The following IMMP2L variants were observed in gnomAD, a reference collection of about 807,000 sequenced individuals.
IMMP2L encodes inner mitochondrial membrane peptidase subunit 2.
IMMP2L carries 18 observed loss-of-function variants against 19.3 expected under a neutral mutation model. The observed-to-expected ratio is 0.93, with a 90% CI of 0.64 to 1.38. The LOEUF is 1.38. Ranked by LOEUF, IMMP2L falls within the 40% of genes most tolerant of loss-of-function variation. IMMP2L has a pLI of 0.00. For synonymous variants in IMMP2L, 76 were observed against 73.0 expected (o/e 1.04, Z -0.21); for missense variants, 233 against 218.2 (o/e 1.07, Z -0.43).
chr7:111,258,013 G>T (rs1196572022), intron 3 of IMMP2L, among the ~76,000 whole-genome samples: 1 of 150,842 alleles, frequency 6.6e-6, no homozygotes. Flanking sequence ...CTCCACTTAT[G>T]AGTGAGAACA....
chr7:111,004,318 C>G (rs1563151453), intron 3 of IMMP2L, among the ~76,000 whole-genome samples: 1 of 152,118 alleles, frequency 6.6e-6, no homozygotes, highest in Admixed American at 6.6e-5. Flanking sequence ...TACCATCACG[C>G]CTGGCTAATT....
intron 3 of IMMP2L, among the ~76,000 whole-genome samples, chr7:111,081,023 G>A (rs1213846261): frequency 6.6e-6 from 1 of 152,208 alleles, no homozygotes; most frequent in African/African-American, 2.4e-5. Context: ...TTGAAGACCT[G>A]TAATCAGACT....
intron 5 of IMMP2L, among the ~76,000 whole-genome samples, chr7:110,784,557 A>G (rs1799945554): frequency 6.6e-6 from 1 of 151,972 alleles, no homozygotes; most frequent in Admixed American, 6.6e-5. Flanking sequence ...CTGTGCTTTC[A>G]CCAGAGTGAT....
chr7:111,027,430 G>A (rs953862423), intron 3 of IMMP2L, among the ~76,000 whole-genome samples: 1 of 152,050 alleles, frequency 6.6e-6, no homozygotes. Context: ...AGATAAAATA[G>A]CACAATCTAA....
At chr7:111,173,805 G>A (rs1586685231) in intron 3 of IMMP2L, among the ~76,000 whole-genome samples, 1 of 151,594 alleles carries the variant, frequency 6.6e-6, no homozygotes, top group African/African-American at 2.4e-5. Flanking sequence ...TCCAGAAAAT[G>A]TAGATAAAAT....
intron 1 of IMMP2L, among the ~76,000 whole-genome samples, chr7:111,543,674 A>G (rs534394210): frequency 6.6e-6 from 1 of 152,336 alleles, no homozygotes; most frequent in South Asian, 2.1e-4. Context: ...ATCTTTGTTA[A>G]AAGCAAAAGA....
intron 3 of IMMP2L, among the ~76,000 whole-genome samples, chr7:111,163,001 T>G (rs1003018646): frequency 6.6e-6 from 1 of 152,042 alleles, no homozygotes; most frequent in Admixed American, 6.6e-5. Flanking sequence ...CCAAACCAGA[T>G]AGGCCCCTGA....
intron 3 of IMMP2L, chr7:111,096,898 T>C (rs1424250122): frequency 1.3e-5 from 2 of 151,962 alleles, no homozygotes; most frequent in Non-Finnish European, 2.9e-5. Flanking sequence ...GCCAGTAAAC[T>C]TACATACATT....
chr7:110,992,049 C>T (rs1005850686), intron 3 of IMMP2L, among the ~76,000 whole-genome samples: 1 of 152,036 alleles, frequency 6.6e-6, no homozygotes, highest in Non-Finnish European at 1.5e-5. Context: ...TTTATTTAAA[C>T]CTTGACCGTA....
intron 5 of IMMP2L, among the ~76,000 whole-genome samples, chr7:110,745,298 G>A (rs1797259705): frequency 6.6e-6 from 1 of 152,188 alleles, no homozygotes; most frequent in African/African-American, 2.4e-5. Context: ...AAAGTGACGG[G>A]GAGAATGGAA....
At chr7:111,490,917 C>T (rs531719474) in intron 2 of IMMP2L, among the ~76,000 whole-genome samples, 4 of 152,050 alleles carry the variant, frequency 2.6e-5, no homozygotes, top group Admixed American at 6.6e-5. Flanking sequence ...GTTTGAACTG[C>T]GTGGGTCCAA....
At chr7:110,871,342 G>A (rs1321344535) in intron 5 of IMMP2L, among the ~76,000 whole-genome samples, 2 of 152,018 alleles carry the variant, frequency 1.3e-5, no homozygotes, top group African/African-American at 4.8e-5. Context: ...TCTTAGGGAG[G>A]GTTTAAGTAT....
intron 3 of IMMP2L, among the ~76,000 whole-genome samples, chr7:111,475,581 T>C (rs1283807703): frequency 6.6e-6 from 1 of 152,036 alleles, no homozygotes; most frequent in Non-Finnish European, 1.5e-5. Flanking sequence ...GGACACTGTG[T>C]TTACCAGTGG....
chr7:111,214,504 GTTTT>G (rs71151836), intron 3 of IMMP2L, among the ~76,000 whole-genome samples: 5 of 97,024 alleles, frequency 5.2e-5, no homozygotes, highest in African/African-American at 1.7e-4. Context: ...CACCAAATCT[GTTTT>G]TTTTTTTTTT....
At chr7:110,900,189 T>C (rs1049932795) in intron 4 of IMMP2L, among the ~76,000 whole-genome samples, 1 of 152,190 alleles carries the variant, frequency 6.6e-6, no homozygotes. Flanking sequence ...AGATGCAATT[T>C]CTCATATTGT....
At chr7:111,265,023 G>A (rs1387265763) in intron 3 of IMMP2L, among the ~76,000 whole-genome samples, 2 of 152,122 alleles carry the variant, frequency 1.3e-5, no homozygotes, top group East Asian at 3.9e-4. Context: ...AAGCAAGCTT[G>A]TTTACAGATC....
At chr7:111,064,448 T>C (rs925382130) in intron 3 of IMMP2L, among the ~76,000 whole-genome samples, 4 of 152,116 alleles carry the variant, frequency 2.6e-5, no homozygotes, top group African/African-American at 7.2e-5. Flanking sequence ...TGGGGAAAAG[T>C]TCTCCAGAAG....
At chr7:110,791,170 C>G (rs1800434673) in intron 5 of IMMP2L, among the ~76,000 whole-genome samples, 1 of 151,638 alleles carries the variant, frequency 6.6e-6, no homozygotes, top group South Asian at 2.1e-4. Flanking sequence ...TGCCTTTCTC[C>G]CAACATGCAC....
At chr7:111,159,983 C>T (rs1400525950) in intron 3 of IMMP2L, among the ~76,000 whole-genome samples, 2 of 152,004 alleles carry the variant, frequency 1.3e-5, no homozygotes, top group African/African-American at 2.4e-5. Context: ...TATCAACTTG[C>T]ACAGTGCAGC....
Sources: gnomAD v4.1 joint callset for allele counts (sites outside exome capture counted in the v4.1 genomes callset) on GRCh38, gnomAD v4.1.1 for gene constraint, MANE v1.5 for transcripts, NCBI Gene and HGNC (gene_info 2026-07-23, HGNC 2026-07-21) for gene names.